PCDH11Y: variants seen among roughly 807,000 people sequenced by gnomAD.
The protein encoded by PCDH11Y is protocadherin-11 Y-linked.
For missense variants in PCDH11Y, 12 were observed against 224.8 expected (o/e 0.05, Z 6.05); for synonymous variants, 9 against 83.6 (o/e 0.11, Z 4.87).
downstream of PCDH11Y, among the ~76,000 whole-genome samples, chrY:5,106,159 TACTA>T (rs2052791978): frequency 3.0e-5 from 1 of 33,359 alleles, no homozygotes; most frequent in Non-Finnish European, 7.4e-5. Flanking sequence ...ATTTATGACT[TACTA>T]ACAGTACTAA....
chrY:5,416,176 T>C, intron 2 of PCDH11Y, among the ~76,000 whole-genome samples: 1 of 32,890 alleles, frequency 3.0e-5, no homozygotes, highest in African/African-American at 1.2e-4. Context: ...ACAGTGAAAC[T>C]AACTGGTCCT....
chrY:5,574,125 C>T (rs1168875082), intron 3 of PCDH11Y: 1 of 222,768 alleles, frequency 4.5e-6, no homozygotes. Flanking sequence ...GGTGGAGGCC[C>T]GCTACTCCCT....
intron 3 of PCDH11Y, chrY:5,573,675 G>A (rs2124696578): frequency 4.0e-6 from 1 of 247,828 alleles, no homozygotes; most frequent in South Asian, 3.3e-5. Context: ...CCAGTCTGTG[G>A]AGAACGACAT....
At chrY:5,092,749 T>A in intron 1 of PCDH11Y, among the ~76,000 whole-genome samples, 1 of 28,860 alleles carries the variant, frequency 3.5e-5, no homozygotes, top group Non-Finnish European at 8.3e-5. Flanking sequence ...TGAAAAAAAA[T>A]TAAATATCAG....
At chrY:5,272,685 A>G (rs1602897686) in intron 2 of PCDH11Y, among the ~76,000 whole-genome samples, 1 of 33,090 alleles carries the variant, frequency 3.0e-5, no homozygotes, top group African/African-American at 1.2e-4. Context: ...AAAATGAAGG[A>G]ATTTCATGGT....
intron 2 of PCDH11Y, among the ~76,000 whole-genome samples, chrY:5,139,091 A>G (rs2052844732): frequency 8.9e-5 from 3 of 33,748 alleles, no homozygotes; most frequent in Admixed American, 5.3e-4. Context: ...TTTAACATAC[A>G]CAAGTCAATA....
At chrY:5,206,057 G>A in intron 2 of PCDH11Y, among the ~76,000 whole-genome samples, 1 of 32,726 alleles carries the variant, frequency 3.1e-5, no homozygotes, top group African/African-American at 1.2e-4. Context: ...GCTTGCTGTT[G>A]CAAAAAAATG....
intron 4 of PCDH11Y, among the ~76,000 whole-genome samples, chrY:5,612,449 T>A (rs1602951364): frequency 3.2e-5 from 1 of 31,073 alleles, no homozygotes; most frequent in Non-Finnish European, 7.9e-5. Context: ...GCAATGGTAA[T>A]TTTTTTTTTT....
chrY:5,467,281 A>G, intron 2 of PCDH11Y, among the ~76,000 whole-genome samples: 1 of 31,334 alleles, frequency 3.2e-5, no homozygotes, highest in African/African-American at 1.2e-4. Context: ...ACCAAGCAAT[A>G]GGATCCTAAG....
chrY:5,700,666 G>A (rs2124711899), intron 4 of PCDH11Y, among the ~76,000 whole-genome samples: 12 of 33,260 alleles, frequency 3.6e-4, no homozygotes, highest in African/African-American at 1.4e-3. Flanking sequence ...TATAAATTAC[G>A]CAGTCTTGGG....
chrY:5,286,177 T>C, intron 2 of PCDH11Y, among the ~76,000 whole-genome samples: 1 of 33,084 alleles, frequency 3.0e-5, no homozygotes, highest in Admixed American at 2.8e-4. Context: ...GATCAAGTTA[T>C]TGTAGGTGTG....
At chrY:5,197,980 A>T (rs2052922636) in intron 2 of PCDH11Y, among the ~76,000 whole-genome samples, 1 of 28,281 alleles carries the variant, frequency 3.5e-5, no homozygotes, top group Non-Finnish European at 8.4e-5. Flanking sequence ...AAAGTATAAT[A>T]AAAAAAAAAT....
intron 2 of PCDH11Y, among the ~76,000 whole-genome samples, chrY:5,238,656 AT>A (rs2052982590): frequency 3.1e-5 from 1 of 32,679 alleles, no homozygotes; most frequent in Non-Finnish European, 7.5e-5. Context: ...ATGGGAGAAA[AT>A]TTTTGCAATC....
intron 2 of PCDH11Y, among the ~76,000 whole-genome samples, chrY:5,220,803 G>A: frequency 9.3e-5 from 2 of 21,606 alleles, no homozygotes; most frequent in African/African-American, 3.8e-4. Flanking sequence ...TGCAATCTCC[G>A]CCTCCCCGGT....
intron 2 of PCDH11Y, among the ~76,000 whole-genome samples, chrY:5,170,696 G>C: frequency 9.6e-5 from 3 of 31,209 alleles, no homozygotes; most frequent in African/African-American, 3.7e-4. Context: ...GTTTGTGTTG[G>C]GGGGGTGCAG....
At chrY:5,433,921 G>A (rs2124680849) in intron 2 of PCDH11Y, among the ~76,000 whole-genome samples, 1 of 33,299 alleles carries the variant, frequency 3.0e-5, no homozygotes, top group South Asian at 6.8e-4. Flanking sequence ...TTGATAGAGA[G>A]AGCTGCTATT....
chrY:5,404,515 C>A, intron 2 of PCDH11Y, among the ~76,000 whole-genome samples: 1 of 33,107 alleles, frequency 3.0e-5, no homozygotes, highest in Non-Finnish European at 7.5e-5. Context: ...TTTTTACAAC[C>A]TTTTACATCA....
intron 2 of PCDH11Y, among the ~76,000 whole-genome samples, chrY:5,134,161 C>G (rs2124641461): frequency 6.1e-5 from 2 of 32,783 alleles, no homozygotes; most frequent in African/African-American, 2.4e-4. Flanking sequence ...CATTGTTCAC[C>G]ATTGGCATAT....
At chrY:5,311,528 T>C (rs1312660673) in intron 2 of PCDH11Y, among the ~76,000 whole-genome samples, 220 of 25,085 alleles carry the variant, frequency 8.8e-3, no homozygotes, top group Middle Eastern at 0.052. Flanking sequence ...TATATATATA[T>C]ACACACACAT....
Sources: allele counts gnomAD v4.1 joint callset (sites outside exome capture counted in the v4.1 genomes callset), GRCh38; gene constraint gnomAD v4.1.1; transcripts MANE v1.5; gene names NCBI Gene and HGNC (gene_info 2026-07-23, HGNC 2026-07-21).